PIGN: variants seen among roughly 807,000 people sequenced by gnomAD.
PIGN encodes the protein GPI ethanolamine phosphate transferase 1.
Under a neutral mutation model 125.4 loss-of-function variants are expected in PIGN, and 117 were observed. The ratio of observed to expected loss-of-function variants is 0.93; its 90% CI spans 0.80 to 1.09. PIGN has a LOEUF of 1.09. Among genes scored for constraint, PIGN ranks in the 50% least tolerant of loss-of-function variants. PIGN has a pLI of 0.00. For missense variants in PIGN, 1,075 were observed against 1,094.9 expected (o/e 0.98, Z 0.26); for synonymous variants, 392 against 377.8 (o/e 1.04, Z -0.44).
chr18:62,167,975 C>T lies in PIGN; in HGVS notation c.-235-4319G>A, dbSNP rs190886968. Among the ~76,000 whole-genome samples, 635 of 152,224 alleles carry T rather than the reference C, an allele frequency of 4.2e-3. 7 individuals carry two copies. The highest frequency in any genetic ancestry group is 0.015 in the African/African-American group (609 of 41,532). On this transcript the variant is annotated intron_variant, in intron 1 of 30. Transcript: ENST00000640252. ...TTGGGAGGCCAAGGCTGGTGGATCA[C>T]CTGAGGTCAGGAGTTTGAGACCAGC...
chr18:62,176,774 G>C (rs914533318), intron 1 of PIGN, among the ~76,000 whole-genome samples: 1 of 151,890 alleles, frequency 6.6e-6, no homozygotes, highest in East Asian at 1.9e-4. Context: ...AGAAAATAGT[G>C]GAAAAACTAG....
intron 7 of PIGN, among the ~76,000 whole-genome samples, chr18:62,152,597 A>G (rs1055251393): frequency 6.6e-6 from 1 of 152,196 alleles, no homozygotes; most frequent in African/African-American, 2.4e-5. Flanking sequence ...CATCTAACAT[A>G]AAGCCTATTT....
intron 1 of PIGN, among the ~76,000 whole-genome samples, chr18:62,167,312 G>A (rs1322764186): frequency 2.3e-5 from 1 of 42,924 alleles, no homozygotes. Flanking sequence ...GTGTGTGTGT[G>A]TGTGTGTGTG....
In PIGN at chr18:62,045,980, C is replaced by A; in HGVS notation, c.2673-1G>T. ...CATGACAATCACATAGTGGCTGATGCTGCAAAAGGAGAAAAAGATGTTACA... is the reference window on the plus strand; with the variant it reads ...CATGACAATCACATAGTGGCTGATGATGCAAAAGGAGAAAAAGATGTTACA... On this transcript the variant is annotated splice_acceptor_variant, in intron 30 of 30. Coordinates refer to ENST00000640252, the MANE Select transcript of PIGN (RefSeq NM_176787.5). LOFTEE classifies it high-confidence loss of function. 6.2e-7 allele frequency: 1 copy of A among 1,611,450 alleles called. No individual in the cohort carries two copies.
chr18:62,031,842 A>T (rs1849962741), intron 23 of PIGN, among the ~76,000 whole-genome samples: 1 of 152,218 alleles, frequency 6.6e-6, no homozygotes, highest in Non-Finnish European at 1.5e-5. Flanking sequence ...TGGCTGCCAT[A>T]GCAAATTATC....
chr18:62,173,160 ACT>A (rs1467314289), intron 1 of PIGN, among the ~76,000 whole-genome samples: 2 of 152,332 alleles, frequency 1.3e-5, no homozygotes, highest in East Asian at 1.9e-4. Flanking sequence ...ATGCAAATAA[ACT>A]CTGTAAATAA....
chr18:62,063,820 T>G (rs2032342947), intron 30 of PIGN, among the ~76,000 whole-genome samples: 1 of 149,558 alleles, frequency 6.7e-6, no homozygotes, highest in South Asian at 2.2e-4. Flanking sequence ...GAGCAAACTA[T>G]TGTGAGGACA....
chr18:62,103,994 G>A (rs562018032), intron 20 of PIGN, among the ~76,000 whole-genome samples: 6 of 152,056 alleles, frequency 3.9e-5, no homozygotes, highest in Non-Finnish European at 5.9e-5. Context: ...TGTTGTACAC[G>A]TTTGCTTTTT....
intron 14 of PIGN, among the ~76,000 whole-genome samples, chr18:62,122,635 TG>T (rs1442630687): frequency 6.6e-6 from 1 of 152,176 alleles, no homozygotes; most frequent in African/African-American, 2.4e-5. Context: ...AGAAGACTTC[TG>T]GAATGAAAAT....
chr18:62,028,563 CCTT>C (rs1350704564), intron 23 of PIGN, among the ~76,000 whole-genome samples: 2 of 152,196 alleles, frequency 1.3e-5, no homozygotes, highest in African/African-American at 4.8e-5. Flanking sequence ...AGTTTCTACT[CCTT>C]CTTGTCTCCA....
chr18:62,094,885 T>C (rs2034111998), intron 23 of PIGN, among the ~76,000 whole-genome samples: 1 of 152,132 alleles, frequency 6.6e-6, no homozygotes, highest in African/African-American at 2.4e-5. Context: ...GATCATCTCT[T>C]ATATGAGACT....
Position 62,148,219 on chromosome 18 carries a change from G to A in PIGN, c.669C>T (p.Ser223=), listed in dbSNP as rs1156885525. 1.3e-6 allele frequency: 2 copies of A among 1,541,160 alleles called. No homozygotes were observed. The highest frequency in any genetic ancestry group is 2.5e-5 in the South Asian group (2 of 80,406). The change falls in exon 8 of 31, where the codon TCC becomes TCT. Residue 223 remains serine (S), a synonymous_variant. Coordinates refer to ENST00000640252, the MANE Select transcript of PIGN (RefSeq NM_176787.5). ...TAAACACAATATTAAATTACCTCGA[G>A]GATGGTCGATGAGCATGTCCGTTTG... ...IDTNGHAHRP[S]SRDYKHNIKK...
At chr18:62,175,096 A>C (rs1242779540) in intron 1 of PIGN, among the ~76,000 whole-genome samples, 1 of 144,642 alleles carries the variant, frequency 6.9e-6, no homozygotes, top group Non-Finnish European at 1.5e-5. Context: ...TCTAATATAT[A>C]TAATGTTTAT....
intron 30 of PIGN, among the ~76,000 whole-genome samples, chr18:62,054,147 A>T (rs185430245): frequency 6.6e-6 from 1 of 152,304 alleles, no homozygotes; most frequent in East Asian, 1.9e-4. Context: ...CATCCCCCTG[A>T]AAGAGTGTAA....
At chr18:62,039,495 G>A (rs554486), downstream of PIGN, among the ~76,000 whole-genome samples, 33,782 of 146,826 alleles carry the variant, frequency 0.23, 3,712 homozygotes, top group Non-Finnish European at 0.26. Context: ...CATCCAGGGT[G>A]CCGCATCTCA....
At chr18:62,144,226 A>G (rs2036238903) in intron 10 of PIGN, among the ~76,000 whole-genome samples, 1 of 152,188 alleles carries the variant, frequency 6.6e-6, no homozygotes, top group Admixed American at 6.5e-5. Flanking sequence ...ATAAAGTTAA[A>G]TCTCATAAAT....
intron 1 of PIGN, among the ~76,000 whole-genome samples, chr18:62,174,018 A>T (rs966894504): frequency 6.6e-6 from 1 of 152,178 alleles, no homozygotes; most frequent in Non-Finnish European, 1.5e-5. Flanking sequence ...GTTCGAGACC[A>T]GCCTGACCAA....
At chr18:62,115,297 TAA>T (rs1179523944) in intron 14 of PIGN, among the ~76,000 whole-genome samples, 1 of 152,154 alleles carries the variant, frequency 6.6e-6, no homozygotes, top group East Asian at 1.9e-4. Context: ...TACATAAAAC[TAA>T]AGTCATTAAA....
At chr18:62,128,343 A>T (rs1295628073) in intron 14 of PIGN, among the ~76,000 whole-genome samples, 1 of 152,248 alleles carries the variant, frequency 6.6e-6, no homozygotes, top group African/African-American at 2.4e-5. Context: ...TGTGGTAAAA[A>T]GTATAAACAA....
Sources: allele counts gnomAD v4.1 joint callset (sites outside exome capture counted in the v4.1 genomes callset), GRCh38; gene constraint gnomAD v4.1.1; transcripts MANE v1.5; gene names NCBI Gene and HGNC (gene_info 2026-07-23, HGNC 2026-07-21).